The following SERGEF variants were observed in gnomAD, a reference collection of about 807,000 sequenced individuals.
SERGEF encodes secretion regulating guanine nucleotide exchange factor.
In SERGEF, 51 loss-of-function variants were observed where a neutral mutation model predicts 50.0. That is an observed-to-expected ratio of 1.02 (90% confidence interval 0.81 to 1.29). SERGEF has a LOEUF of 1.29. Among genes scored for constraint, SERGEF ranks in the 50% most tolerant of loss-of-function variants. SERGEF has a pLI of 0.00. For synonymous variants in SERGEF, 205 were observed against 212.4 expected (o/e 0.97, Z 0.30); for missense variants, 521 against 557.0 (o/e 0.94, Z 0.65).
intron 10 of SERGEF, among the ~76,000 whole-genome samples, chr11:17,837,511 T>C (rs949693898): frequency 6.6e-6 from 1 of 151,496 alleles, no homozygotes; most frequent in African/African-American, 2.4e-5. Context: ...TTGCTTCCTG[T>C]CTCACCATGT....
chr11:17,923,328 G>C (rs1172490783), intron 9 of SERGEF, among the ~76,000 whole-genome samples: 2 of 152,224 alleles, frequency 1.3e-5, no homozygotes, highest in African/African-American at 2.4e-5. Flanking sequence ...AGCAGAGGCT[G>C]GCCAGAAGTG....
chr11:17,880,579 G>A (rs1298720878), intron 9 of SERGEF, among the ~76,000 whole-genome samples: 4 of 151,974 alleles, frequency 2.6e-5, no homozygotes, highest in African/African-American at 4.8e-5. Context: ...ACATCAAAAT[G>A]TTAACAATGA....
At chr11:18,012,921 C>T in intron 1 of SERGEF, 30 bp downstream of exon 1, 1 of 1,523,960 alleles carries the variant, frequency 6.6e-7, no homozygotes, top group Non-Finnish European at 8.7e-7. Context: ...CCCTCAGGGC[C>T]TGCACCGGCC....
chr11:17,822,797 A>G (rs1252331692), intron 10 of SERGEF, among the ~76,000 whole-genome samples: 6 of 152,224 alleles, frequency 3.9e-5, no homozygotes, highest in Non-Finnish European at 8.8e-5. Flanking sequence ...CCCAAGTCAT[A>G]CCATCAGTGA....
chr11:17,808,299 A>G (rs760120106), intron 10 of SERGEF, among the ~76,000 whole-genome samples: 8 of 152,244 alleles, frequency 5.3e-5, no homozygotes, highest in Non-Finnish European at 1.2e-4. Context: ...TGCAGGCTCT[A>G]CAGGAAGCGT....
intron 10 of SERGEF, among the ~76,000 whole-genome samples, chr11:17,833,861 T>C (rs1486094550): frequency 6.6e-6 from 1 of 152,200 alleles, no homozygotes; most frequent in Non-Finnish European, 1.5e-5. Context: ...TGTAACCCCA[T>C]GGTATCCAGG....
intron 9 of SERGEF, among the ~76,000 whole-genome samples, chr11:17,894,444 G>A (rs1851585587): frequency 6.6e-6 from 1 of 152,128 alleles, no homozygotes. Flanking sequence ...TAAGTGGATG[G>A]GCCACTTCAT....
At chr11:17,955,399 T>G (rs1052405095) in intron 9 of SERGEF, among the ~76,000 whole-genome samples, 2 of 152,202 alleles carry the variant, frequency 1.3e-5, no homozygotes, top group Non-Finnish European at 2.9e-5. Flanking sequence ...CACTGGTGCA[T>G]GACAGGTGTC....
intron 1 of SERGEF, chr11:18,010,189 A>G (rs1854167574): frequency 1.4e-6 from 1 of 716,124 alleles, no homozygotes; most frequent in Non-Finnish European, 2.1e-6. Flanking sequence ...ACATATATAC[A>G]TACTTACATA....
intron 8 of SERGEF, among the ~76,000 whole-genome samples, chr11:17,987,788 C>T (rs1853630924): frequency 6.6e-6 from 1 of 152,100 alleles, no homozygotes; most frequent in Admixed American, 6.5e-5. Flanking sequence ...ATTTGGGAGT[C>T]TAGAGATGTG....
chr11:17,946,051 G>T (rs902310921), intron 9 of SERGEF, among the ~76,000 whole-genome samples: 5 of 152,144 alleles, frequency 3.3e-5, no homozygotes, highest in African/African-American at 1.2e-4. Context: ...AAGAGCTCTA[G>T]CCAACTAGAA....
chr11:17,847,413 A>G (rs1850635781), intron 10 of SERGEF, among the ~76,000 whole-genome samples: 2 of 152,336 alleles, frequency 1.3e-5, no homozygotes, highest in Non-Finnish European at 2.9e-5. Flanking sequence ...AGTCTGACAG[A>G]ACTGAATTGA....
At chr11:17,978,755 C>T (rs920371342) in intron 8 of SERGEF, among the ~76,000 whole-genome samples, 1 of 152,148 alleles carries the variant, frequency 6.6e-6, no homozygotes, top group African/African-American at 2.4e-5. Context: ...TTCTCCCATC[C>T]ATACAAAAAC....
At chr11:17,823,062 C>A (rs562198565) in intron 10 of SERGEF, among the ~76,000 whole-genome samples, 2 of 152,228 alleles carry the variant, frequency 1.3e-5, no homozygotes, top group East Asian at 3.9e-4. Flanking sequence ...TCCAGGATAC[C>A]GTATTACATT....
intron 8 of SERGEF, among the ~76,000 whole-genome samples, chr11:17,980,474 T>C (rs1853475330): frequency 6.6e-6 from 1 of 152,356 alleles, no homozygotes; most frequent in East Asian, 1.9e-4. Context: ...TTTAAAATAG[T>C]ATTTATAGGA....
intron 9 of SERGEF, among the ~76,000 whole-genome samples, chr11:17,930,196 G>A (rs1852325962): frequency 6.6e-6 from 1 of 152,182 alleles, no homozygotes; most frequent in Non-Finnish European, 1.5e-5. Flanking sequence ...TAGAGATGTA[G>A]TGAAGATTAA....
chr11:17,949,649 A>C (rs959796767), intron 9 of SERGEF, among the ~76,000 whole-genome samples: 4 of 152,084 alleles, frequency 2.6e-5, no homozygotes, highest in Non-Finnish European at 2.9e-5. Flanking sequence ...TAGGAAAGGC[A>C]AAAGGGAGGT....
At chr11:17,973,955 T>A (rs1853309094) in intron 8 of SERGEF, among the ~76,000 whole-genome samples, 1 of 152,046 alleles carries the variant, frequency 6.6e-6, no homozygotes, top group African/African-American at 2.4e-5. Flanking sequence ...GGGAAGATAA[T>A]CAGGAGACTT....
intron 9 of SERGEF, among the ~76,000 whole-genome samples, chr11:17,906,792 G>A (rs569516019): frequency 5.7e-4 from 78 of 137,524 alleles, no homozygotes; most frequent in Non-Finnish European, 1.0e-3. Context: ...TTAAACTGAC[G>A]TAATTTCCAC....
Sources: allele counts gnomAD v4.1 joint callset (sites outside exome capture counted in the v4.1 genomes callset), GRCh38; gene constraint gnomAD v4.1.1; transcripts MANE v1.5; gene names NCBI Gene and HGNC (gene_info 2026-07-23, HGNC 2026-07-21).